PLEK2: variants seen among roughly 807,000 people sequenced by gnomAD.
PLEK2 encodes pleckstrin 2.
In PLEK2, 29 loss-of-function variants were observed where a neutral mutation model predicts 43.8. The ratio of observed to expected loss-of-function variants is 0.66; its 90% CI spans 0.49 to 0.90. The LOEUF is 0.90. Among genes scored for constraint, PLEK2 ranks in the 40% least tolerant of loss-of-function variants. The pLI, the probability that PLEK2 is intolerant of heterozygous loss-of-function variation, is 0.00. For missense variants in PLEK2, 398 were observed against 448.1 expected (o/e 0.89, Z 1.01); for synonymous variants, 162 against 173.2 (o/e 0.94, Z 0.51).
At chr14:67,389,640 G>A (rs577775515) in intron 7 of PLEK2, among the ~76,000 whole-genome samples, 1 of 152,132 alleles carries the variant, frequency 6.6e-6, no homozygotes, top group Admixed American at 6.5e-5. Context: ...GTGTGTATAG[G>A]CACGTATGTG....
chr14:67,388,129 G>A (rs41299195), intron 8 of PLEK2, 95 bp downstream of exon 8: 17,259 of 773,260 alleles, frequency 0.022, 265 homozygotes, highest in Middle Eastern at 0.029. Context: ...AGCCCTGCTC[G>A]GCTCCCAAAG....
rs1403135433 is a variant in PLEK2, at chr14:67,393,135, G to C, written c.481+15C>G. The C allele has an allele frequency of 1.3e-6, 2 of 1,580,550 alleles. No individual in the cohort carries two copies. ...CAGCTTGACTGCCCAGCCCGGCCCT[G>C]GGGGACAGGCTCACCGAGGAAGGTC... On this transcript the variant is annotated intron_variant, in intron 4 of 8. Coordinates refer to ENST00000216446, the MANE Select transcript of PLEK2 (RefSeq NM_016445.3).
chr14:67,407,940 A>G (rs1053254620), intron 1 of PLEK2, among the ~76,000 whole-genome samples: 2 of 152,146 alleles, frequency 1.3e-5, no homozygotes, highest in Non-Finnish European at 2.9e-5. Flanking sequence ...ACCTGTGAAC[A>G]GTCCCTGTGC....
At chr14:67,411,391 TC>T (rs2086113934) in intron 1 of PLEK2, among the ~76,000 whole-genome samples, 1 of 152,038 alleles carries the variant, frequency 6.6e-6, no homozygotes, top group Non-Finnish European at 1.5e-5. Flanking sequence ...GTCCTCAGTT[TC>T]CCCGTCTGTA....
chr14:67,397,787 G>C lies in PLEK2; in HGVS notation c.82C>G (p.Leu28Val). 1 of 1,613,128 alleles carries C rather than the reference G, an allele frequency of 6.2e-7. No individual in the cohort carries two copies. The highest frequency in any genetic ancestry group is 8.5e-7 in the Non-Finnish European group (1 of 1,179,558). The stretch of plus-strand genomic sequence containing the variant: ...TAGTACACCAGCGTGTTCTGCCGAA[G>C]GATGAACCATCGCGCCTTCCAGTTG... ...VHNWKARWFI[L>V]RQNTLVYYKL... The change falls in exon 2 of 9, where the codon CTT becomes GTT. Residue 28 changes from leucine to valine, a missense_variant. Leu to Val is a conservative substitution (Grantham distance 32). Transcript: ENST00000216446.
chr14:67,407,543 C>T (rs1445214644), intron 1 of PLEK2, among the ~76,000 whole-genome samples: 3 of 151,914 alleles, frequency 2.0e-5, no homozygotes, highest in South Asian at 2.1e-4. Context: ...TGGGCTCAAG[C>T]GATTCTCCCA....
intron 1 of PLEK2, among the ~76,000 whole-genome samples, chr14:67,411,360 G>A (rs995540894): frequency 6.6e-6 from 1 of 152,064 alleles, no homozygotes; most frequent in Non-Finnish European, 1.5e-5. Context: ...GGAGCTCTGG[G>A]CAAGCTACTT....
At chr14:67,407,992 A>G (rs996670407) in intron 1 of PLEK2, among the ~76,000 whole-genome samples, 4 of 152,142 alleles carry the variant, frequency 2.6e-5, no homozygotes, top group Non-Finnish European at 5.9e-5. Context: ...TCTTGAAAAT[A>G]AAATAAAATA....
chr14:67,390,559 C>G (rs1266920698), intron 7 of PLEK2, 104 bp downstream of exon 7: 28 of 797,532 alleles, frequency 3.5e-5, no homozygotes, highest in East Asian at 7.4e-5. Context: ...ACGGCGGGTG[C>G]CAGGGGAAGG....
intron 1 of PLEK2, among the ~76,000 whole-genome samples, chr14:67,401,329 AAAAT>A (rs944216569): frequency 2.6e-5 from 4 of 152,064 alleles, no homozygotes; most frequent in South Asian, 4.2e-4. Flanking sequence ...TCTATTAATA[AAAAT>A]AAATAAATAA....
At chr14:67,408,543 T>C (rs2086096988) in intron 1 of PLEK2, among the ~76,000 whole-genome samples, 1 of 152,132 alleles carries the variant, frequency 6.6e-6, no homozygotes, top group Admixed American at 6.6e-5. Flanking sequence ...TCCAATTGAC[T>C]GGTGTCCTTA....
At chr14:67,392,204 G>A (rs2085974117) in intron 6 of PLEK2, 122 bp downstream of exon 6, 16 of 712,568 alleles carry the variant, frequency 2.2e-5, no homozygotes, top group Non-Finnish European at 3.0e-5. Context: ...TCTTGCTTTC[G>A]TAGATTTTGC....
intron 7 of PLEK2, among the ~76,000 whole-genome samples, chr14:67,389,063 C>G (rs888515634): frequency 6.6e-6 from 1 of 151,762 alleles, no homozygotes; most frequent in East Asian, 1.9e-4. Context: ...CAAGAAACTT[C>G]GTGTGATACA....
intron 7 of PLEK2, 80 bp from the exon 8 acceptor site, chr14:67,388,382 A>G: frequency 1.2e-6 from 1 of 845,470 alleles, no homozygotes; most frequent in Non-Finnish European, 2.1e-6. Flanking sequence ...AACTCAGGCC[A>G]GCTAAAGAAG....
At chr14:67,398,517 T>TTC (rs1397766199) in intron 1 of PLEK2, among the ~76,000 whole-genome samples, 2 of 151,614 alleles carry the variant, frequency 1.3e-5, no homozygotes, top group East Asian at 1.9e-4. Context: ...TAAATGACCC[T>TTC]TCATTATTTC....
chr14:67,400,323 T>C (rs2086039377), intron 1 of PLEK2, among the ~76,000 whole-genome samples: 1 of 152,230 alleles, frequency 6.6e-6, no homozygotes, highest in Non-Finnish European at 1.5e-5. Context: ...TCCAGTGGAA[T>C]TGCACATTTT....
rs1279104881 is a variant in PLEK2 at position 67,387,431 on chromosome 14, G to A, written c.960C>T (p.Asn320=). ...CATCCTTAGTAATCACTTTGAAGAGGTTTCCCTGGACATTCCCTTTAACCC... is the reference window on the plus strand; with the variant it reads ...CATCCTTAGTAATCACTTTGAAGAGATTTCCCTGGACATTCCCTTTAACCC... ...PTGVKGNVQG[N]LFKVITKDDT... Residue 320 remains asparagine, a synonymous_variant, in exon 9 of 9, where the codon AAC becomes AAT. Coordinates refer to ENST00000216446, the MANE Select transcript of PLEK2 (RefSeq NM_016445.3). The A allele has an allele frequency of 4.4e-6, 7 of 1,608,818 alleles. No individual in the cohort carries two copies. Among genetic ancestry groups the A allele is most frequent in the African/African-American group, 1.3e-5 (1 of 74,574 alleles).
intron 2 of PLEK2, among the ~76,000 whole-genome samples, chr14:67,397,021 C>G (rs1653838100): frequency 6.6e-6 from 1 of 151,122 alleles, no homozygotes; most frequent in Admixed American, 6.6e-5. Context: ...TCACTGCAAA[C>G]TCTGCCTCCC....
chr14:67,394,126 A>G (rs1217857709), intron 3 of PLEK2, among the ~76,000 whole-genome samples: 1 of 152,218 alleles, frequency 6.6e-6, no homozygotes, highest in African/African-American at 2.4e-5. Context: ...TTTGAGAGGC[A>G]GGATTTTCAG....
Sources: allele counts gnomAD v4.1 joint callset (sites outside exome capture counted in the v4.1 genomes callset), GRCh38; gene constraint gnomAD v4.1.1; transcripts MANE v1.5; gene names NCBI Gene and HGNC (gene_info 2026-07-23, HGNC 2026-07-21).